The following SFMBT2 variants were observed in gnomAD, a reference collection of about 807,000 sequenced individuals.
SFMBT2 encodes the protein scm-like with four MBT domains protein 2.
Under a neutral mutation model 110.1 loss-of-function variants are expected in SFMBT2, and 38 were observed. That is an observed-to-expected ratio of 0.35 (90% CI 0.27 to 0.45). SFMBT2 has a LOEUF of 0.45. Ranked by LOEUF, SFMBT2 falls within the 20% of genes least tolerant of loss-of-function variation. SFMBT2 has a pLI of 1.00. For missense variants in SFMBT2, 1,011 were observed against 1,094.9 expected (o/e 0.92, Z 1.08); for synonymous variants, 425 against 425.4 (o/e 1.00, Z 0.01).
intron 16 of SFMBT2, among the ~76,000 whole-genome samples, chr10:7,179,417 C>T (rs74383213): frequency 1.6e-5 from 1 of 60,756 alleles, no homozygotes; most frequent in South Asian, 5.4e-4. Context: ...AAAAAAAAAA[C>T]AAAAGAAACA....
chr10:7,210,368 G>A lies in SFMBT2; in HGVS notation c.1331-4440C>T, dbSNP rs138863150. On this transcript the variant is annotated intron_variant, in intron 11 of 20. Coordinates refer to ENST00000397167, the MANE Select transcript of SFMBT2 (RefSeq NM_001387889.1). ...CTCAGAGCGAATCACAGGAGAGAGC[G>A]CGAGCATGCATGAGCTTGGGGTGAG... 5.2e-3 allele frequency among the ~76,000 whole-genome samples: 795 copies of A among 152,250 alleles called. 5 individuals are homozygous for A. Among genetic ancestry groups the A allele is most frequent in the Middle Eastern group, 6.8e-3 (2 of 294 alleles).
intron 7 of SFMBT2, among the ~76,000 whole-genome samples, chr10:7,262,301 G>A (rs1841233004): frequency 6.6e-6 from 1 of 152,050 alleles, no homozygotes; most frequent in Non-Finnish European, 1.5e-5. Context: ...TCCACAATAA[G>A]ATCTTCTGTA....
At chr10:7,181,238 CAAAAAA>C (rs59457180) in intron 16 of SFMBT2, among the ~76,000 whole-genome samples, 1 of 72,194 alleles carries the variant, frequency 1.4e-5, no homozygotes, top group Non-Finnish European at 3.1e-5. Context: ...GACTCCATTT[CAAAAAA>C]AAAAAAAAAA....
chr10:7,251,949 C>T (rs189961669), intron 7 of SFMBT2, among the ~76,000 whole-genome samples: 24 of 152,292 alleles, frequency 1.6e-4, no homozygotes, highest in African/African-American at 5.1e-4. Flanking sequence ...CTGACAGCCA[C>T]GGGGCTTCTG....
At chr10:7,315,314 G>A (rs1357946611) in intron 4 of SFMBT2, among the ~76,000 whole-genome samples, 1 of 152,126 alleles carries the variant, frequency 6.6e-6, no homozygotes, top group East Asian at 1.9e-4. Flanking sequence ...CTATGGGTGG[G>A]CCACATCCCA....
At chr10:7,226,031 C>T (rs1839888186) in intron 10 of SFMBT2, among the ~76,000 whole-genome samples, 1 of 152,200 alleles carries the variant, frequency 6.6e-6, no homozygotes, top group African/African-American at 2.4e-5. Context: ...GCCCTGTCAC[C>T]TAAACACACA....
At position 7,228,768 on chromosome 10, in the gene SFMBT2, CT is replaced by C. The variant is rs1205059825; in HGVS notation, c.1121-832del. 8.9e-5 allele frequency among the ~76,000 whole-genome samples: 12 copies of C among 134,490 alleles called. 1 individual carries two copies. Among genetic ancestry groups the C allele is most frequent in the Non-Finnish European group, 1.7e-4 (10 of 59,228 alleles). The allele number at this position is 134,490 out of a possible 152,430, so 88.2% of individuals were successfully genotyped here. A position where few individuals can be genotyped will look rare whatever the true frequency, so the allele number is the denominator to read the frequency against. ...TCTCTCTCTCTCTCTCTCTCTCTCT[CT>C]CTCTCTCTCTCTCCCCCTCCCTCTC... On this transcript the variant is annotated intron_variant, in intron 9 of 20. Transcript: ENST00000397167.
intron 11 of SFMBT2, chr10:7,214,734 C>T: frequency 1.0e-6 from 1 of 985,486 alleles, no homozygotes; most frequent in South Asian, 4.7e-5. Flanking sequence ...CAAAGCTGTG[C>T]ACAGCACAGA....
chr10:7,264,159 C>A (rs1291919859), intron 7 of SFMBT2: 1 of 244,048 alleles, frequency 4.1e-6, no homozygotes, highest in Non-Finnish European at 6.6e-6. Context: ...CTTATTTTAG[C>A]CTTCTCTACA....
At chr10:7,234,524 G>T (rs773485345) in intron 9 of SFMBT2, among the ~76,000 whole-genome samples, 5 of 152,166 alleles carry the variant, frequency 3.3e-5, no homozygotes, top group Admixed American at 2.0e-4. Context: ...AACATAAAAG[G>T]TTCTTCTTAG....
intron 10 of SFMBT2, among the ~76,000 whole-genome samples, chr10:7,223,405 T>C (rs538155030): frequency 3.9e-5 from 6 of 152,316 alleles, no homozygotes; most frequent in African/African-American, 1.4e-4. Flanking sequence ...GCATGTTTTT[T>C]TGTGATCCAT....
chr10:7,253,115 TC>T (rs1840869027), intron 7 of SFMBT2, among the ~76,000 whole-genome samples: 1 of 152,110 alleles, frequency 6.6e-6, no homozygotes, highest in Non-Finnish European at 1.5e-5. Flanking sequence ...GCACCCCAAC[TC>T]CACAGGGCCA....
Position 7,348,712 on chromosome 10 carries a change from ATCT to A in SFMBT2, c.436+18934_436+18936del, listed in dbSNP as rs993449890. ...GTTGGATGTAACCAGATTTGTGTTC[ATCT>A]TCAGAAAGCAGGCAGATTTTTTTTA... On this transcript the variant is annotated intron_variant, in intron 4 of 20. Transcript: ENST00000397167. 7.2e-5 allele frequency among the ~76,000 whole-genome samples: 11 copies of A among 152,366 alleles called. 1 individual carries two copies. The highest frequency in any genetic ancestry group is 7.2e-4 in the Admixed American group (11 of 15,306).
At chr10:7,214,030 G>A (rs917104494) in intron 11 of SFMBT2, among the ~76,000 whole-genome samples, 7 of 136,354 alleles carry the variant, frequency 5.1e-5, no homozygotes, top group African/African-American at 1.9e-4. Flanking sequence ...TGCCACCCCA[G>A]GACTGTGCAG....
intron 4 of SFMBT2, among the ~76,000 whole-genome samples, chr10:7,340,683 A>G (rs1843870168): frequency 1.3e-5 from 2 of 149,824 alleles, no homozygotes; most frequent in African/African-American, 4.9e-5. Context: ...AAAATACTGC[A>G]AAACAATAGC....
chr10:7,367,998 G>T lies in SFMBT2; in HGVS notation c.196-109C>A. ...GGCACTTACAAACAATATTCCTGTT[G>T]CTCTAAAACAGGCATGTATTTATCT... On this transcript the variant is annotated intron_variant, in intron 3 of 20. Coordinates refer to ENST00000397167, the MANE Select transcript of SFMBT2 (RefSeq NM_001387889.1). This position sits in a 1 kb window ranked among gnomAD's most constrained non-coding sequence, Gnocchi z 6.2. The T allele has an allele frequency of 1.4e-6, 2 of 1,420,354 alleles. No individual in the cohort carries two copies. The highest frequency in any genetic ancestry group is 1.9e-6 in the Non-Finnish European group (2 of 1,060,476). The allele number at this position is 1,420,354 out of a possible 1,614,324, so 88.0% of individuals were successfully genotyped here.
At chr10:7,224,589 G>A (rs1029757811) in intron 10 of SFMBT2, among the ~76,000 whole-genome samples, 4 of 152,176 alleles carry the variant, frequency 2.6e-5, no homozygotes, top group Admixed American at 6.5e-5. Context: ...CCAGTCTCCT[G>A]TTCTCCTGCC....
intron 4 of SFMBT2, among the ~76,000 whole-genome samples, chr10:7,326,679 T>C (rs1388942250): frequency 5.3e-5 from 8 of 152,258 alleles, no homozygotes; most frequent in African/African-American, 1.7e-4. Flanking sequence ...TTTAATTTTC[T>C]AAGTGGTGCA....
At chr10:7,179,103 C>T (rs1021998188) in intron 16 of SFMBT2, among the ~76,000 whole-genome samples, 4 of 151,992 alleles carry the variant, frequency 2.6e-5, no homozygotes, top group Non-Finnish European at 5.9e-5. Context: ...GCATACTCTA[C>T]TAAATTTACT....
Sources: allele counts gnomAD v4.1 joint callset (sites outside exome capture counted in the v4.1 genomes callset), GRCh38; gene constraint gnomAD v4.1.1; non-coding constraint Gnocchi (gnomAD v3.1); transcripts MANE v1.5; gene names NCBI Gene and HGNC (gene_info 2026-07-23, HGNC 2026-07-21).